Variants in CASKIN2 observed in about 807,000 individuals in gnomAD.
CASKIN2 encodes CASK interacting protein 2, also known as caskin-2.
Under a neutral mutation model 107.1 loss-of-function variants are expected in CASKIN2, and 41 were observed. The ratio of observed to expected loss-of-function variants is 0.38; its 90% CI spans 0.30 to 0.50. The LOEUF is 0.50. Among genes scored for constraint, CASKIN2 ranks in the 20% least tolerant of loss-of-function variants. The pLI is 0.92. For missense variants in CASKIN2, 1,546 were observed against 1,657.4 expected (o/e 0.93, Z 1.17); for synonymous variants, 724 against 705.6 (o/e 1.03, Z -0.41).
Position 75,506,612 on chromosome 17 carries a change from A to G in CASKIN2, c.588T>C (p.Ala196=), listed in dbSNP as rs767760477. ...DPNYTTPLHL[A]AKNGHREVIR... Reference sequence around the variant, plus strand: ...TGACTTCTCTGTGGCCATTCTTGGCAGCCAAGTGCAGGGGCGTGGTGTAGT... The same window carrying G: ...TGACTTCTCTGTGGCCATTCTTGGCGGCCAAGTGCAGGGGCGTGGTGTAGT... The change falls in exon 7 of 20, where the codon GCT becomes GCC. Residue 196 remains alanine (A), a synonymous_variant. Transcript: ENST00000321617. The surrounding 1 kb of genome is among the most constrained non-coding windows in gnomAD (Gnocchi z 4.8). 3 of 1,613,280 alleles carry G rather than the reference A, an allele frequency of 1.9e-6. No individual in the cohort carries two copies. The highest frequency in any genetic ancestry group is 2.2e-5 in the South Asian group (2 of 91,084).
At position 75,505,355 on chromosome 17, in the gene CASKIN2, CTT is replaced by C. The variant is rs888918143; in HGVS notation, c.930+200_930+201del. The C allele has an allele frequency of 4.9e-5, 31 of 638,392 alleles. No individual in the cohort carries two copies. The African/African-American group carries it at 5.5e-4, about 11-fold the overall frequency. 39.5% of individuals were successfully genotyped at this position (638,392 alleles called of 1,614,324 possible). ...CCTTGGGCAAGTCACTTGAATTTCTCTTGATTTTATTTTGTTTAATTCTCAAT... is the reference window on the plus strand; with the variant it reads ...CCTTGGGCAAGTCACTTGAATTTCTCGATTTTATTTTGTTTAATTCTCAAT... On this transcript the variant is annotated intron_variant, in intron 10 of 19. Coordinates refer to ENST00000321617, the MANE Select transcript of CASKIN2 (RefSeq NM_020753.5). The surrounding 1 kb of genome is among the most constrained non-coding windows in gnomAD (Gnocchi z 5.1).
At position 75,504,589 on chromosome 17, in the gene CASKIN2, G is replaced by C. The variant is rs772504727; in HGVS notation, c.1297C>G (p.Leu433Val). The change falls in exon 12 of 20, where the codon CTG becomes GTG. Residue 433 changes from leucine (L) to valine (V), a missense_variant. By Grantham distance (32) the Leu-to-Val change is conservative. Transcript: ENST00000321617. ...EGTNGHGPGL[L>V]IENAQPLPSA... ...CATCCTACCTGGGCGTTCTCAATCA[G>C]GAGGCCAGGGCCATGGCCATTAGTG... 1.9e-6 allele frequency: 3 copies of C among 1,601,682 alleles called. No homozygotes were observed. The East Asian group carries it at 6.7e-5, about 36-fold the overall frequency.
In CASKIN2 at chr17:75,507,886, G is replaced by GC. The variant is rs529176788; in HGVS notation, c.147-206dup. On this transcript the variant is annotated intron_variant, in intron 3 of 19. Transcript: ENST00000321617. ...CTGCACTGAGAGGCCCGTTTGTCTCGCCCCCCCGCCTCCCAGCTGGCCCAG... is the reference window on the plus strand; with the variant it reads ...CTGCACTGAGAGGCCCGTTTGTCTCGCCCCCCCCGCCTCCCAGCTGGCCCAG... The GC allele has an allele frequency of 8.8e-4, 511 of 578,500 alleles. 1 individual carries two copies. The highest frequency in any genetic ancestry group is 5.8e-3 in the South Asian group (265 of 45,430). The allele number at this position is 578,500 out of a possible 1,614,324, so 35.8% of individuals were successfully genotyped here. A position where few individuals can be genotyped will look rare whatever the true frequency, so the allele number is the denominator to read the frequency against.
At position 75,513,706 on chromosome 17, in the gene CASKIN2, C is replaced by T; in HGVS notation, c.94+5G>A. On this transcript the variant is annotated splice_donor_5th_base_variant and intron_variant, in intron 2 of 19. Coordinates refer to ENST00000321617, the MANE Select transcript of CASKIN2 (RefSeq NM_020753.5). ...AGCGGGATGCTCGTCCCACCCGGTA[C>T]TCACTTGTCTTTGTGGCCTTGACCT... 1 of 1,613,266 alleles carries T rather than the reference C, an allele frequency of 6.2e-7. No individual in the cohort carries two copies. Among genetic ancestry groups the T allele is most frequent in the Non-Finnish European group, 8.5e-7 (1 of 1,179,596 alleles).
rs1598466355 is a variant in CASKIN2, at chr17:75,505,708, A to C, written c.836-57T>G. ...CTAAGGGTCCTTAGGGCATCTTCCC[A>C]CCCCTCATGCCCTTGACAACCCTCC... On this transcript the variant is annotated intron_variant, in intron 9 of 19. Transcript: ENST00000321617. The surrounding 1 kb of genome is among the most constrained non-coding windows in gnomAD (Gnocchi z 5.1). 1.9e-6 allele frequency: 3 copies of C among 1,558,034 alleles called. No homozygotes were observed. The highest frequency in any genetic ancestry group is 1.4e-5 in the African/African-American group (1 of 73,440).
Position 75,503,005 on chromosome 17 carries a change from A to AG in CASKIN2, c.2068dup (p.Leu690ProfsTer52). Reference sequence around the variant, plus strand: ...CTGGCTGGGAGAGCGGGCAGGTGGGAGGGGGAGTGGTTCAGGGCCACCCCC... The same window carrying AG: ...CTGGCTGGGAGAGCGGGCAGGTGGGAGGGGGGAGTGGTTCAGGGCCACCCCC... On this transcript the variant is annotated frameshift_variant, in exon 18 of 20. Transcript: ENST00000321617. LOFTEE classifies it high-confidence loss of function. 1 of 1,604,490 alleles carries AG rather than the reference A, an allele frequency of 6.2e-7. No individual in the cohort carries two copies. Among genetic ancestry groups the AG allele is most frequent in the South Asian group, 1.1e-5 (1 of 90,612 alleles).
rs566122168 is a variant in CASKIN2, at chr17:75,513,692, C to A, written c.94+19G>T. On this transcript the variant is annotated intron_variant, in intron 2 of 19. Coordinates refer to ENST00000321617, the MANE Select transcript of CASKIN2 (RefSeq NM_020753.5). ...GAGCGCTCGGCCTCAGCGGGATGCT[C>A]GTCCCACCCGGTACTCACTTGTCTT... The A allele has an allele frequency of 6.2e-7, 1 of 1,608,204 alleles. No homozygotes were observed. Among genetic ancestry groups the A allele is most frequent in the South Asian group, 1.1e-5 (1 of 90,936 alleles).
Position 75,502,280 on chromosome 17 carries a change from C to T in CASKIN2, c.2794G>A (p.Glu932Lys). ...PAGPASDTEE[E>K]EPGPEGTPPS... ...GGCGTCCCCTCAGGGCCTGGCTCCTCCTCCTCCGTGTCTGACGCGGGCCCA... is the reference window on the plus strand; with the variant it reads ...GGCGTCCCCTCAGGGCCTGGCTCCTTCTCCTCCGTGTCTGACGCGGGCCCA... Residue 932 changes from glutamate (E) to lysine (K), a missense_variant, in exon 18 of 20, where the codon GAG becomes AAG. Transcript: ENST00000321617. The surrounding 1 kb of genome is among the most constrained non-coding windows in gnomAD (Gnocchi z 4.3). 6.6e-7 allele frequency: 1 copy of T among 1,518,860 alleles called. No individual in the cohort carries two copies. Among genetic ancestry groups the T allele is most frequent in the Non-Finnish European group, 8.8e-7 (1 of 1,136,984 alleles). 94.1% of individuals were successfully genotyped at this position (1,518,860 alleles called of 1,614,324 possible).
Position 75,503,272 on chromosome 17 carries a change from A to G in CASKIN2, c.1820-18T>C, listed in dbSNP as rs1239251546. On this transcript the variant is annotated intron_variant, in intron 17 of 19. Coordinates refer to ENST00000321617, the MANE Select transcript of CASKIN2 (RefSeq NM_020753.5). ...CTGATGCCCTGAGATGGGGGACGGAAGTGGCAAGGTTAGCTGGGGCTGGGG... is the reference window on the plus strand; with the variant it reads ...CTGATGCCCTGAGATGGGGGACGGAGGTGGCAAGGTTAGCTGGGGCTGGGG... The G allele has an allele frequency of 6.3e-7, 1 of 1,577,420 alleles. No homozygotes were observed. Among genetic ancestry groups the G allele is most frequent in the East Asian group, 2.3e-5 (1 of 44,434 alleles).
Position 75,504,457 on chromosome 17 carries a change from G to C in CASKIN2, c.1338C>G (p.Asp446Glu), listed in dbSNP as rs2053242069. ...NAQPLPSAGE[D>E]QVLPGLHPPS... ...GCGGGTGGAGTCCTGGCAGCACCTG[G>C]TCCTCTCCAGCAGAGGGCAGTGGCT... is the stretch of plus-strand genomic sequence containing the variant. Residue 446 changes from aspartate (D) to glutamate (E), a missense_variant, in exon 13 of 20, where the codon GAC becomes GAG. Physicochemically the swap from Asp to Glu is conservative, Grantham distance 45 (BLOSUM62 2). Around this residue, in one of 6 missense-constraint regions of CASKIN2, gnomAD observed 1,311 missense variants for 1,311.0 expected, o/e 1.00. Coordinates refer to ENST00000321617, the MANE Select transcript of CASKIN2 (RefSeq NM_020753.5). The C allele has an allele frequency of 6.2e-7, 1 of 1,608,634 alleles. No homozygotes were observed. Among genetic ancestry groups the C allele is most frequent in the Non-Finnish European group, 8.5e-7 (1 of 1,176,656 alleles).
chr17:75,504,872 G>A lies in CASKIN2; in HGVS notation c.1132C>T (p.Pro378Ser), dbSNP rs753686163. Reference protein sequence around the residue: ...SRTPQPPAEEPPHPLTYSQLP... With the variant: ...SRTPQPPAEESPHPLTYSQLP... The stretch of plus-strand genomic sequence containing the variant: ...TGGCTGTAGGTAAGAGGGTGCGGGG[G>A]TTCTTCGGCAGGAGGCTGCGGTGTC... The change falls in exon 11 of 20, where the codon CCC becomes TCC. Residue 378 changes from proline to serine, a missense_variant. Transcript: ENST00000321617. 1.2e-6 allele frequency: 2 copies of A among 1,608,926 alleles called. No individual in the cohort carries two copies. The highest frequency in any genetic ancestry group is 1.7e-5 in the Admixed American group (1 of 59,730).
chr17:75,512,295 C>T (rs1460404544), intron 2 of CASKIN2, among the ~76,000 whole-genome samples: 1 of 152,232 alleles, frequency 6.6e-6, no homozygotes, highest in Non-Finnish European at 1.5e-5. Context: ...GAACCACCTC[C>T]TGCCTATGCT....
intron 17 of CASKIN2, 31 bp downstream of exon 17, chr17:75,503,358 G>C: frequency 6.3e-7 from 1 of 1,598,054 alleles, no homozygotes. Context: ...AGGCAGGTGG[G>C]GGCCCAGCCA....
chr17:75,502,073 G>A lies in CASKIN2; in HGVS notation c.3001C>T (p.Pro1001Ser). The A allele has an allele frequency of 1.2e-6, 2 of 1,611,636 alleles. No individual in the cohort carries two copies. Among genetic ancestry groups the A allele is most frequent in the South Asian group, 1.1e-5 (1 of 91,082 alleles). ...KRRPKCRERE[P>S]LQTALLAFGV... ...AAGGCCAGCAGTGCGGTCTGCAGTG[G>A]CTCTCTCTCCCGGCACTTGGGCCTC... The change falls in exon 18 of 20, where the codon CCA becomes TCA. Residue 1001 changes from proline (P) to serine (S), a missense_variant. Around this residue, in one of 6 missense-constraint regions of CASKIN2, gnomAD observed 1,311 missense variants for 1,311.0 expected, o/e 1.00. Coordinates refer to ENST00000321617, the MANE Select transcript of CASKIN2 (RefSeq NM_020753.5). The surrounding 1 kb of genome is among the most constrained non-coding windows in gnomAD (Gnocchi z 4.3).
chr17:75,515,446 T>G lies in CASKIN2; in HGVS notation c.-450A>C, dbSNP rs1447701016. The G allele has an allele frequency of 6.6e-6, 1 of 152,524 alleles. No individual in the cohort carries two copies. Among genetic ancestry groups the G allele is most frequent in the East Asian group, 1.9e-4 (1 of 5,198 alleles). The allele number at this position is 152,524 out of a possible 1,614,324, so 9.4% of individuals were successfully genotyped here. A position where few individuals can be genotyped will look rare whatever the true frequency, so the allele number is the denominator to read the frequency against. ...GGTCCGGCTGGCCCTGCTCGGTCCC[T>G]GGCACTCAGGACGGTGGCTCCCACT... On this transcript the variant is annotated 5_prime_UTR_variant, in exon 1 of 20. Transcript: ENST00000321617.
At chr17:75,503,786 G>A (rs1567993850) in intron 15 of CASKIN2, 26 bp from the exon 16 acceptor site, 2 of 1,611,648 alleles carry the variant, frequency 1.2e-6, no homozygotes, top group Non-Finnish European at 1.7e-6. Flanking sequence ...TGGCCATCAG[G>A]CCCCTCCCCC....
intron 19 of CASKIN2, 144 bp downstream of exon 19, chr17:75,501,324 A>C (rs2053179053): frequency 3.4e-6 from 4 of 1,193,008 alleles, no homozygotes. Context: ...GGATTCCCTG[A>C]TCTAGGTGAT....
At position 75,505,407 on chromosome 17, in the gene CASKIN2, C is replaced by G. The variant is rs1371087556; in HGVS notation, c.930+150G>C. ...TTTTGTCATCTGTAAAGAAGAAATG[C>G]TAACAGCACTGCCTTCCCTGGCTTT... On this transcript the variant is annotated intron_variant, in intron 10 of 19. Transcript: ENST00000321617. The surrounding 1 kb of genome is among the most constrained non-coding windows in gnomAD (Gnocchi z 5.1). 1 of 736,844 alleles carries G rather than the reference C, an allele frequency of 1.4e-6. No individual in the cohort carries two copies. The highest frequency in any genetic ancestry group is 2.3e-6 in the Non-Finnish European group (1 of 430,470). 45.6% of individuals were successfully genotyped at this position (736,844 alleles called of 1,614,324 possible).
chr17:75,502,454 TGGG>T lies in CASKIN2; in HGVS notation c.2617_2619del (p.Pro873del). On this transcript the variant is annotated inframe_deletion, in exon 18 of 20. Transcript: ENST00000321617. The surrounding 1 kb of genome is among the most constrained non-coding windows in gnomAD (Gnocchi z 4.3). Reference sequence around the variant, plus strand: ...GGGCCAGAGACGGAGCTGAGGCGCTTGGGGGGCGGGGGCGGGGGGCCTTTGCGC... The same window carrying T: ...GGGCCAGAGACGGAGCTGAGGCGCTTGGGCGGGGGCGGGGGGCCTTTGCGC... 1 of 1,054,702 alleles carries T rather than the reference TGGG, an allele frequency of 9.5e-7. No homozygotes were observed. Among genetic ancestry groups the T allele is most frequent in the Non-Finnish European group, 1.2e-6 (1 of 862,546 alleles). 65.3% of individuals were successfully genotyped at this position (1,054,702 alleles called of 1,614,324 possible). A position where few individuals can be genotyped will look rare whatever the true frequency, so the allele number is the denominator to read the frequency against.
Sources: gnomAD v4.1 joint callset for allele counts (sites outside exome capture counted in the v4.1 genomes callset) on GRCh38, gnomAD v4.1.1 for gene constraint, gnomAD v4.1.1 regional missense constraint, Gnocchi (gnomAD v3.1) non-coding constraint, MANE v1.5 for transcripts, NCBI Gene and HGNC (gene_info 2026-07-23, HGNC 2026-07-21) for gene names.